Variants in HERC1 observed in about 807,000 individuals in gnomAD.
HERC1 encodes the protein HECT and RLD domain containing E3 ubiquitin protein ligase family member 1, also known as probable E3 ubiquitin-protein ligase HERC1.
A neutral mutation model predicts 554.3 loss-of-function variants in HERC1; 160 were observed. The ratio of observed to expected loss-of-function variants is 0.29; its 90% CI spans 0.25 to 0.33. HERC1 has a LOEUF of 0.33. Among genes scored for constraint, HERC1 ranks in the 10% least tolerant of loss-of-function variants. The pLI is 1.00. For missense variants in HERC1, 4,919 were observed against 5,918.5 expected (o/e 0.83, Z 5.54); for synonymous variants, 2,175 against 2,131.7 (o/e 1.02, Z -0.56).
chr15:63,818,295 G>A (rs2077565818), intron 1 of HERC1, among the ~76,000 whole-genome samples: 2 of 152,130 alleles, frequency 1.3e-5, no homozygotes, highest in African/African-American at 4.8e-5. Context: ...TGTCAGCAGA[G>A]TTACTGCATA....
intron 1 of HERC1, among the ~76,000 whole-genome samples, chr15:63,820,016 A>G (rs1473578952): frequency 1.3e-5 from 2 of 152,234 alleles, no homozygotes; most frequent in Non-Finnish European, 2.9e-5. Context: ...AATGATGACT[A>G]AATGAAGTAA....
At chr15:63,631,035 G>A (rs2068528073) in intron 68 of HERC1, among the ~76,000 whole-genome samples, 1 of 152,162 alleles carries the variant, frequency 6.6e-6, no homozygotes, top group Non-Finnish European at 1.5e-5. Flanking sequence ...GTACAGTGCA[G>A]TGGTGCGACC....
At chr15:63,632,574 A>G in intron 68 of HERC1, 135 bp downstream of exon 68, 1 of 704,384 alleles carries the variant, frequency 1.4e-6, no homozygotes, top group Non-Finnish European at 2.6e-6. Context: ...AATTATCTAT[A>G]CTGAAAGGAG....
chr15:63,800,487 A>G (rs993094797), intron 1 of HERC1, among the ~76,000 whole-genome samples: 5 of 152,278 alleles, frequency 3.3e-5, no homozygotes, highest in East Asian at 1.9e-4. Context: ...TAGTCACAAG[A>G]TATCAGTTTA....
chr15:63,756,810 G>A lies in HERC1; in HGVS notation c.1222-62C>T. On this transcript the variant is annotated intron_variant, in intron 4 of 77. Coordinates refer to ENST00000443617, the MANE Select transcript of HERC1 (RefSeq NM_003922.4). The surrounding 1 kb of genome is among the most constrained non-coding windows in gnomAD (Gnocchi z 5.0). ...TGAGTATCAAAGTATAATATTTAAG[G>A]CTGGTTTTATCAAAGAGCCTCAAAG... 9.2e-7 allele frequency: 1 copy of A among 1,085,220 alleles called. No homozygotes were observed. Among genetic ancestry groups the A allele is most frequent in the South Asian group, 1.7e-5 (1 of 59,528 alleles). The allele number at this position is 1,085,220 out of a possible 1,614,324, so 67.2% of individuals were successfully genotyped here. A position where few individuals can be genotyped will look rare whatever the true frequency, so the allele number is the denominator to read the frequency against.
At chr15:63,639,536 T>A (rs939115361) in intron 61 of HERC1, among the ~76,000 whole-genome samples, 4 of 152,224 alleles carry the variant, frequency 2.6e-5, no homozygotes, top group African/African-American at 7.2e-5. Flanking sequence ...TAGCTACAGT[T>A]ACATAATTTT....
In HERC1 at chr15:63,756,362, C is replaced by T; in HGVS notation, c.1533+75G>A. ...AGGGGCAACTGCAGAAAGAACACAT[C>T]AAAATCTGAACGACATTGTCAATTA... On this transcript the variant is annotated intron_variant, in intron 5 of 77. Transcript: ENST00000443617. This position sits in a 1 kb window ranked among gnomAD's most constrained non-coding sequence, Gnocchi z 5.0. The T allele has an allele frequency of 6.2e-6, 8 of 1,289,870 alleles. No individual in the cohort carries two copies. The highest frequency in any genetic ancestry group is 4.4e-5 in the African/African-American group (3 of 67,528). 79.9% of individuals were successfully genotyped at this position (1,289,870 alleles called of 1,614,324 possible).
intron 1 of HERC1, among the ~76,000 whole-genome samples, chr15:63,786,540 T>C (rs373816223): frequency 7.2e-5 from 11 of 152,234 alleles, no homozygotes; most frequent in East Asian, 3.9e-4. Flanking sequence ...CAAAATGTCA[T>C]ATTATCTACA....
chr15:63,822,509 T>A (rs2077737449), intron 1 of HERC1, among the ~76,000 whole-genome samples: 1 of 151,242 alleles, frequency 6.6e-6, no homozygotes. Flanking sequence ...TCGCTTGAAC[T>A]CAGGAGGCAG....
intron 68 of HERC1, among the ~76,000 whole-genome samples, chr15:63,631,505 C>T (rs1329370032): frequency 6.6e-6 from 1 of 152,172 alleles, no homozygotes; most frequent in African/African-American, 2.4e-5. Flanking sequence ...TCTCTTCCCA[C>T]TCCTTTCAAA....
intron 46 of HERC1, 135 bp downstream of exon 46, chr15:63,660,838 T>C (rs1054381075): frequency 1.8e-6 from 1 of 553,822 alleles, no homozygotes; most frequent in Non-Finnish European, 3.2e-6. Context: ...CTTGAGTTTT[T>C]AAGGGAAAAT....
intron 73 of HERC1, among the ~76,000 whole-genome samples, 157 bp downstream of exon 73, chr15:63,623,568 T>C (rs564557357): frequency 6.6e-6 from 1 of 152,354 alleles, no homozygotes; most frequent in Admixed American, 6.5e-5. Context: ...GTTGCTCTAA[T>C]TTACCTACGT....
rs1422295422 is a variant in HERC1, at chr15:63,758,113, G to A, written c.1221+62C>T. On this transcript the variant is annotated intron_variant, in intron 4 of 77. Coordinates refer to ENST00000443617, the MANE Select transcript of HERC1 (RefSeq NM_003922.4). The surrounding 1 kb of genome is among the most constrained non-coding windows in gnomAD (Gnocchi z 4.0). ...TAAAAAATACTCAGTATTATTTAAT[G>A]CAAATAAGCATGAATATACACCAGA... The A allele has an allele frequency of 8.5e-7, 1 of 1,169,644 alleles. No homozygotes were observed. The highest frequency in any genetic ancestry group is 1.2e-6 in the Non-Finnish European group (1 of 813,332). 72.5% of individuals were successfully genotyped at this position (1,169,644 alleles called of 1,614,324 possible). A position where few individuals can be genotyped will look rare whatever the true frequency, so the allele number is the denominator to read the frequency against.
chr15:63,679,078 T>A (rs1306825135), intron 36 of HERC1, among the ~76,000 whole-genome samples: 2 of 152,214 alleles, frequency 1.3e-5, no homozygotes, highest in African/African-American at 4.8e-5. Context: ...CAAAAATGCC[T>A]TCTAGATAGA....
intron 1 of HERC1, among the ~76,000 whole-genome samples, chr15:63,824,840 G>A (rs1234198527): frequency 6.8e-5 from 10 of 146,668 alleles, no homozygotes; most frequent in Non-Finnish European, 1.3e-4. Context: ...CAAGTCAGAC[G>A]TAGGAAAAAA....
At chr15:63,744,164 G>GTCTCTCTCTCTCTCTC (rs71464534) in intron 12 of HERC1, among the ~76,000 whole-genome samples, 6 of 46,218 alleles carry the variant, frequency 1.3e-4, no homozygotes, top group Admixed American at 4.9e-4. Context: ...GTGTGTGTGT[G>GTCTCTCTCTCTCTCTC]TCTCTCTCTC....
At chr15:63,769,369 G>T (rs555364070) in intron 2 of HERC1, among the ~76,000 whole-genome samples, 14 of 152,122 alleles carry the variant, frequency 9.2e-5, no homozygotes, top group South Asian at 6.2e-4. Flanking sequence ...GCAGTGAGAC[G>T]AGATCTTGCC....
intron 22 of HERC1, among the ~76,000 whole-genome samples, chr15:63,715,273 T>A (rs762265221): frequency 2.6e-5 from 4 of 152,222 alleles, no homozygotes; most frequent in Non-Finnish European, 5.9e-5. Flanking sequence ...TCTAAAAGCA[T>A]AGCTAGTTTA....
At chr15:63,647,299 A>G (rs745803563) in intron 55 of HERC1, among the ~76,000 whole-genome samples, 2 of 151,794 alleles carry the variant, frequency 1.3e-5, no homozygotes, top group African/African-American at 2.4e-5. Flanking sequence ...ACACAATGAG[A>G]TATCATCTCA....
Sources: allele counts gnomAD v4.1 joint callset (sites outside exome capture counted in the v4.1 genomes callset), GRCh38; gene constraint gnomAD v4.1.1; non-coding constraint Gnocchi (gnomAD v3.1); transcripts MANE v1.5; gene names NCBI Gene and HGNC (gene_info 2026-07-23, HGNC 2026-07-21).